Variants in CSF1R observed in about 807,000 individuals in gnomAD.
CSF1R encodes macrophage colony-stimulating factor 1 receptor.
CSF1R carries 40 observed loss-of-function variants against 110.0 expected under a neutral mutation model. The observed-to-expected ratio is 0.36, with a 90% CI of 0.28 to 0.47. The LOEUF (loss-of-function observed/expected upper bound fraction) is 0.47. CSF1R is among the 20% of genes least tolerant of loss of function. The pLI is 0.99. For missense variants in CSF1R, 1,052 were observed against 1,253.0 expected, an observed-to-expected ratio of 0.84 and a Z score of 2.42; for synonymous variants, 523 against 503.4, an observed-to-expected ratio of 1.04 and a Z score of -0.52.
At chr5:150,066,703 T>C (rs1252781884) in intron 10 of CSF1R, among the ~76,000 whole-genome samples, 2 of 151,932 alleles carry the variant, frequency 1.3e-5, no homozygotes, top group African/African-American at 4.8e-5. Context: ...CCCTGCCCAC[T>C]TCAAGCCCTC....
intron 1 of CSF1R, among the ~76,000 whole-genome samples, chr5:150,098,001 C>G (rs1278440473): frequency 6.6e-6 from 1 of 152,182 alleles, no homozygotes; most frequent in Non-Finnish European, 1.5e-5. Context: ...GGTTGACAGA[C>G]TCTATAAAGC....
chr5:150,073,249 G>T, intron 6 of CSF1R, 52 bp downstream of exon 6: 3 of 1,556,116 alleles, frequency 1.9e-6, no homozygotes, highest in Non-Finnish European at 2.6e-6. Flanking sequence ...GCTTGCTGAA[G>T]CATACCCCAT....
At chr5:150,084,545 C>T (rs112661564) in intron 1 of CSF1R, among the ~76,000 whole-genome samples, 53,196 of 150,794 alleles carry the variant, frequency 0.35, 10,140 homozygotes, top group African/African-American at 0.51. Context: ...CTCTGCCTCC[C>T]GGGTTCAAGT....
intron 9 of CSF1R, among the ~76,000 whole-genome samples, chr5:150,068,953 G>A (rs984672674): frequency 6.6e-5 from 10 of 152,210 alleles, no homozygotes; most frequent in African/African-American, 2.4e-4. Context: ...CTTGGGAGCT[G>A]TGTGACATTG....
intron 1 of CSF1R, among the ~76,000 whole-genome samples, chr5:150,099,362 T>G (rs1759328820): frequency 6.6e-6 from 1 of 152,180 alleles, no homozygotes; most frequent in Admixed American, 6.5e-5. Flanking sequence ...CTACCATAAT[T>G]GAGTAATCCT....
chr5:150,104,760 T>G (rs1759496976), intron 1 of CSF1R, among the ~76,000 whole-genome samples: 1 of 152,178 alleles, frequency 6.6e-6, no homozygotes, highest in African/African-American at 2.4e-5. Context: ...ATTTTAGATG[T>G]ATGAAGAGTG....
intron 1 of CSF1R, among the ~76,000 whole-genome samples, chr5:150,111,109 A>C (rs551804721): frequency 7.9e-5 from 12 of 152,236 alleles, no homozygotes; most frequent in Non-Finnish European, 1.8e-4. Context: ...TGCAAAACCG[A>C]ACATTATAAC....
Position 150,057,360 on chromosome 5 carries a change from G to A in CSF1R, c.2246C>T (p.Pro749Leu). 6.2e-7 allele frequency: 1 copy of A among 1,614,072 alleles called. No individual in the cohort carries two copies. The highest frequency in any genetic ancestry group is 1.1e-5 in the South Asian group (1 of 91,064). The change falls in exon 16 of 21, where the codon CCC becomes CTC. Residue 749 changes from proline to leucine, a missense_variant. Physicochemically the swap from Pro to Leu is moderately conservative, Grantham distance 98. This residue lies in a region of CSF1R where 124 missense variants were observed against 117.7 expected (regional missense o/e 1.05). Coordinates refer to ENST00000675795, the MANE Select transcript of CSF1R (RefSeq NM_001288705.3). ...EQDLDKEDGR[P>L]LELRDLLHFS... ...GTGAAGCAGGTCCCGGAGCTCCAGG[G>A]GCCGTCCATCCTCCTTGTCCAGGTC...
chr5:150,073,231 G>C, intron 6 of CSF1R, 70 bp downstream of exon 6: 1 of 1,493,526 alleles, frequency 6.7e-7, no homozygotes, highest in African/African-American at 1.4e-5. Context: ...TGAGCCAAGC[G>C]TCCTGATGCT....
intron 1 of CSF1R, among the ~76,000 whole-genome samples, chr5:150,101,313 C>T (rs941299878): frequency 5.3e-5 from 8 of 152,214 alleles, no homozygotes; most frequent in Non-Finnish European, 7.3e-5. Context: ...GCAGAGTCCC[C>T]AGTTGCCCCA....
intron 15 of CSF1R, 57 bp downstream of exon 15, chr5:150,057,447 C>G: frequency 6.2e-7 from 1 of 1,611,344 alleles, no homozygotes. Context: ...CCCAGCAGCC[C>G]CTTCTCCTTT....
rs767177216 is a variant in CSF1R at position 150,073,426 on chromosome 5, G to A, written c.957C>T (p.Leu319=). 5 of 1,614,112 alleles carry A rather than the reference G, an allele frequency of 3.1e-6. No individual in the cohort carries two copies. Among genetic ancestry groups the A allele is most frequent in the Admixed American group, 1.7e-5 (1 of 60,014 alleles). Residue 319 remains leucine (L), a synonymous_variant, in exon 6 of 21, where the codon CTC becomes CTT. Transcript: ENST00000675795. The part of the protein sequence containing the change: ...LIQEVTVGEG[L]NLKVMVEAYP... ...AGGCCTCCACCATGACTTTGAGGTT[G>A]AGCCCCTCCCCCACGGTCACCTCCT...
At position 150,053,358 on chromosome 5, in the gene CSF1R, G is replaced by GAGTC. The variant is rs1205109617; in HGVS notation, c.*707_*710dup. The stretch of plus-strand genomic sequence containing the variant: ...CCACGGCGTGACTGTTAGTTAGGAT[G>GAGTC]AGTCAGCTTGGGGGAGTTTGTGCTT... On this transcript the variant is annotated 3_prime_UTR_variant, in exon 21 of 21. Coordinates refer to ENST00000675795, the MANE Select transcript of CSF1R (RefSeq NM_001288705.3). The GAGTC allele has an allele frequency of 4.3e-6, 1 of 233,810 alleles. No individual in the cohort carries two copies. Among genetic ancestry groups the GAGTC allele is most frequent in the African/African-American group, 2.2e-5 (1 of 45,346 alleles). The allele number at this position is 233,810 out of a possible 1,614,324, so 14.5% of individuals were successfully genotyped here.
At position 150,056,338 on chromosome 5, in the gene CSF1R, T is replaced by C; in HGVS notation, c.2323A>G (p.Ile775Val). 6.2e-7 allele frequency: 1 copy of C among 1,614,156 alleles called. No homozygotes were observed. Among genetic ancestry groups the C allele is most frequent in the Non-Finnish European group, 8.5e-7 (1 of 1,180,014 alleles). Residue 775 changes from isoleucine to valine, a missense_variant, in exon 17 of 21, where the codon ATC (isoleucine) becomes GTC (valine). Transcript: ENST00000675795. ...GMAFLASKNC[I>V]HRDVAARNVL... Reference sequence around the variant, plus strand: ...TTACGCGCTGCCACGTCCCGGTGGATGCACTGAGGGAAAGCACTGCAGGGT... The same window carrying C: ...TTACGCGCTGCCACGTCCCGGTGGACGCACTGAGGGAAAGCACTGCAGGGT...
intron 1 of CSF1R, among the ~76,000 whole-genome samples, chr5:150,106,091 C>T (rs1304651137): frequency 6.6e-6 from 1 of 152,190 alleles, no homozygotes; most frequent in Non-Finnish European, 1.5e-5. Flanking sequence ...TCCTGACCTC[C>T]CCCAGCAGTG....
chr5:150,073,863 T>C (rs1758138031), intron 5 of CSF1R, among the ~76,000 whole-genome samples: 1 of 152,192 alleles, frequency 6.6e-6, no homozygotes, highest in South Asian at 2.1e-4. Flanking sequence ...TCCTCATCCA[T>C]TTCCCTTTCT....
intron 1 of CSF1R, among the ~76,000 whole-genome samples, chr5:150,085,935 G>A (rs1758825778): frequency 6.6e-6 from 1 of 152,126 alleles, no homozygotes; most frequent in African/African-American, 2.4e-5. Flanking sequence ...GAGTGTGTTG[G>A]ATATACAGAA....
intron 3 of CSF1R, 21 bp downstream of exon 3, chr5:150,080,031 C>G: frequency 6.2e-7 from 1 of 1,604,800 alleles, no homozygotes; most frequent in Non-Finnish European, 8.5e-7. Flanking sequence ...GCCTGGCTGC[C>G]GGTCCCCATG....
chr5:150,084,645 G>A (rs967763993), intron 1 of CSF1R, among the ~76,000 whole-genome samples: 3 of 151,524 alleles, frequency 2.0e-5, no homozygotes, highest in Non-Finnish European at 2.9e-5. Context: ...GTAGAGAGGG[G>A]GCTTCACCAT....
Sources: allele counts gnomAD v4.1 joint callset (sites outside exome capture counted in the v4.1 genomes callset), GRCh38; gene constraint gnomAD v4.1.1; regional missense constraint gnomAD v4.1.1; transcripts MANE v1.5; gene names NCBI Gene and HGNC (gene_info 2026-07-23, HGNC 2026-07-21).